STX7: variants seen among roughly 807,000 people sequenced by gnomAD.
STX7 encodes syntaxin 7.
In STX7, 34 loss-of-function variants were observed where a neutral mutation model predicts 39.6. The ratio of observed to expected loss-of-function variants is 0.86; its 90% confidence interval spans 0.65 to 1.14. The LOEUF (loss-of-function observed/expected upper bound fraction) is 1.14. Among genes scored for constraint, STX7 ranks in the 50% most tolerant of loss-of-function variants. The probability of loss-of-function intolerance (pLI) is 0.00; values close to 1 mark genes in which losing one functional copy is unlikely to be tolerated. For missense variants in STX7, 284 were observed against 310.4 expected (o/e 0.92, Z 0.64); for synonymous variants, 119 against 99.1 (o/e 1.20, Z -1.19).
chr6:132,460,751 T>C lies in STX7; in HGVS notation c.*7A>G, dbSNP rs373769508. 2.4e-4 allele frequency: 391 copies of C among 1,602,566 alleles called. 4 individuals are homozygous for C. The African/African-American group carries it at 4.4e-3, about 18-fold the overall frequency. Reference sequence around the variant, plus strand: ...AATGTAGTGCGACAGTGTGCTCCTTTATAACTTCAGTGGTTCAATCCCCAT... The same window carrying C: ...AATGTAGTGCGACAGTGTGCTCCTTCATAACTTCAGTGGTTCAATCCCCAT... On this transcript the variant is annotated 3_prime_UTR_variant, in exon 10 of 10. Coordinates refer to ENST00000367941, the MANE Select transcript of STX7 (RefSeq NM_003569.3).
intron 9 of STX7, among the ~76,000 whole-genome samples, chr6:132,462,292 C>A (rs1774426908): frequency 6.6e-6 from 1 of 152,210 alleles, no homozygotes; most frequent in Non-Finnish European, 1.5e-5. Flanking sequence ...TGGAAAGCTG[C>A]CTCTTTTCTC....
At chr6:132,487,982 T>C (rs1414039877) in intron 2 of STX7, among the ~76,000 whole-genome samples, 3 of 152,216 alleles carry the variant, frequency 2.0e-5, no homozygotes, top group Non-Finnish European at 4.4e-5. Context: ...GGGTGAAAAC[T>C]GACGTCATGA....
Position 132,454,105 on chromosome 6 carries a change from A to G in STX7, c.*6653T>C, listed in dbSNP as rs561604251. ...TATTCACACTAAAAAGTACCTGTCA[A>G]TAGACTTGATACACATAATAAGCTG... is the stretch of plus-strand genomic sequence containing the variant. On this transcript the variant is annotated 3_prime_UTR_variant, in exon 10 of 10. Coordinates refer to ENST00000367941, the MANE Select transcript of STX7 (RefSeq NM_003569.3). 6.6e-6 allele frequency: 1 copy of G among 152,304 alleles called. No homozygotes were observed. The highest frequency in any genetic ancestry group is 1.9e-4 in the East Asian group (1 of 5,192). The allele number at this position is 152,304 out of a possible 1,614,324, so 9.4% of individuals were successfully genotyped here.
chr6:132,497,701 G>A (rs778786269), intron 2 of STX7, among the ~76,000 whole-genome samples: 1 of 152,148 alleles, frequency 6.6e-6, no homozygotes, highest in Non-Finnish European at 1.5e-5. Flanking sequence ...AATGGCCCTT[G>A]TGAAAATGCC....
intron 1 of STX7, among the ~76,000 whole-genome samples, chr6:132,507,330 T>G (rs1775729004): frequency 6.6e-6 from 1 of 152,256 alleles, no homozygotes; most frequent in Non-Finnish European, 1.5e-5. Context: ...TATTGAGATA[T>G]GGCAATACAA....
rs1021164290 is a variant in STX7 at position 132,457,741 on chromosome 6, T to C, written c.*3017A>G. On this transcript the variant is annotated 3_prime_UTR_variant, in exon 10 of 10. Coordinates refer to ENST00000367941, the MANE Select transcript of STX7 (RefSeq NM_003569.3). ...GAATTTTTATCATATTTAAATGAAC[T>C]TGAAAATGTCATTCAACTCAAATCC... 1.3e-5 allele frequency: 2 copies of C among 152,200 alleles called. No individual in the cohort carries two copies. Among genetic ancestry groups the C allele is most frequent in the African/African-American group, 4.8e-5 (2 of 41,444 alleles). The allele number at this position is 152,200 out of a possible 1,614,324, so 9.4% of individuals were successfully genotyped here.
chr6:132,495,519 TC>T (rs1248614667), intron 2 of STX7, among the ~76,000 whole-genome samples: 1 of 152,072 alleles, frequency 6.6e-6, no homozygotes, highest in African/African-American at 2.4e-5. Flanking sequence ...TGCCTTCCCA[TC>T]CCACCAACAG....
chr6:132,460,902 T>A, intron 9 of STX7, 52 bp from the exon 10 acceptor site: 2 of 1,486,264 alleles, frequency 1.3e-6, no homozygotes, highest in Non-Finnish European at 1.9e-6. Context: ...ACAGATTTAG[T>A]GGAGTACCTC....
At chr6:132,498,813 GTAGT>G (rs1186064668) in intron 2 of STX7, among the ~76,000 whole-genome samples, 1 of 152,144 alleles carries the variant, frequency 6.6e-6, no homozygotes, top group Non-Finnish European at 1.5e-5. Context: ...ATACTTGACA[GTAGT>G]TAGATTTTTA....
chr6:132,471,920 T>C (rs2275391), intron 4 of STX7, among the ~76,000 whole-genome samples: 36,003 of 152,022 alleles, frequency 0.24, 4,643 homozygotes, highest in East Asian at 0.54. Context: ...ATAACTTCCA[T>C]TAAATAAGCA....
rs1774143816 is a variant in STX7 at position 132,451,949 on chromosome 6, C to T, written c.*8809G>A. 1 of 152,088 alleles carries T rather than the reference C, an allele frequency of 6.6e-6. No individual in the cohort carries two copies. The allele number at this position is 152,088 out of a possible 1,614,324, so 9.4% of individuals were successfully genotyped here. On this transcript the variant is annotated 3_prime_UTR_variant, in exon 10 of 10. Transcript: ENST00000367941. The stretch of plus-strand genomic sequence containing the variant: ...TTTGAAGCTAGTATTACCCTGATAC[C>T]ACCAACCAGTATGTCGCATTAAAAC...
intron 1 of STX7, among the ~76,000 whole-genome samples, chr6:132,512,631 G>T (rs1035515456): frequency 2.0e-5 from 3 of 152,328 alleles, no homozygotes; most frequent in African/African-American, 7.2e-5. Context: ...TCATTTGGTC[G>T]TGTCTGGATT....
At chr6:132,480,792 G>T (rs1005465822) in intron 2 of STX7, among the ~76,000 whole-genome samples, 1 of 152,232 alleles carries the variant, frequency 6.6e-6, no homozygotes, top group African/African-American at 2.4e-5. Flanking sequence ...ATTATAACAG[G>T]AAAATAGTAA....
chr6:132,470,656 G>A (rs2114375678), intron 5 of STX7, 30 bp from the exon 6 acceptor site: 1 of 1,574,142 alleles, frequency 6.4e-7, no homozygotes, highest in East Asian at 2.3e-5. Context: ...GATGGAATGA[G>A]AAGGGGCAAA....
intron 2 of STX7, 139 bp downstream of exon 2, chr6:132,503,307 G>A: frequency 1.6e-6 from 1 of 615,248 alleles, no homozygotes; most frequent in Non-Finnish European, 2.9e-6. Flanking sequence ...TCATTCTAAA[G>A]AGTTCGAGCC....
At chr6:132,471,709 T>G in intron 4 of STX7, 109 bp from the exon 5 acceptor site, 1 of 1,177,722 alleles carries the variant, frequency 8.5e-7, no homozygotes, top group Non-Finnish European at 1.2e-6. Context: ...ACTCCCCAAT[T>G]ACAGGGCCTT....
chr6:132,471,790 C>T (rs1168295516), intron 4 of STX7, among the ~76,000 whole-genome samples, 190 bp from the exon 5 acceptor site: 2 of 152,072 alleles, frequency 1.3e-5, no homozygotes, highest in Non-Finnish European at 2.9e-5. Flanking sequence ...GGCAAAAGAC[C>T]CATTATGCTG....
At chr6:132,471,798 C>T (rs1419694197) in intron 4 of STX7, among the ~76,000 whole-genome samples, 198 bp from the exon 5 acceptor site, 1 of 152,190 alleles carries the variant, frequency 6.6e-6, no homozygotes, top group Non-Finnish European at 1.5e-5. Context: ...ACCCATTATG[C>T]TGGATTTCTC....
chr6:132,483,862 T>G (rs1448280165), intron 2 of STX7, among the ~76,000 whole-genome samples: 1 of 152,064 alleles, frequency 6.6e-6, no homozygotes, highest in Non-Finnish European at 1.5e-5. Flanking sequence ...TCTGGAAAAA[T>G]AAATAATCCT....
Sources: gnomAD v4.1 joint callset for allele counts (sites outside exome capture counted in the v4.1 genomes callset) on GRCh38, gnomAD v4.1.1 for gene constraint, MANE v1.5 for transcripts, NCBI Gene and HGNC (gene_info 2026-07-23, HGNC 2026-07-21) for gene names.